Variants in QTGAL observed in about 807,000 individuals in gnomAD.
QTGAL encodes the protein BGnT-like protein 1.
At chr17:83,040,240 C>T in the QTGAL span, among the ~76,000 whole-genome samples, 7 of 152,174 alleles carry the variant, frequency 4.6e-5, no homozygotes, top group African/African-American at 1.4e-4. Context: ...ATGATTCTAA[C>T]GTGCACAAAG....
the QTGAL span, among the ~76,000 whole-genome samples, chr17:83,050,109 G>C: frequency 6.6e-6 from 1 of 152,160 alleles, no homozygotes; most frequent in Admixed American, 6.5e-5. Flanking sequence ...GGTAGCTCAC[G>C]CCTGTAATCA....
At chr17:83,050,828 G>A in the QTGAL span, among the ~76,000 whole-genome samples, 1 of 151,784 alleles carries the variant, frequency 6.6e-6, no homozygotes, top group African/African-American at 2.4e-5. Flanking sequence ...AGGTAGGTGT[G>A]TGGGATGCGC....
chr17:82,966,293 G>A, the QTGAL span, among the ~76,000 whole-genome samples: 3 of 151,910 alleles, frequency 2.0e-5, no homozygotes, highest in Admixed American at 1.3e-4. Context: ...GGCCTCAAGC[G>A]ATCCTCCCAG....
the QTGAL span, among the ~76,000 whole-genome samples, chr17:82,976,495 A>G: frequency 2.4e-3 from 153 of 62,742 alleles, no homozygotes; most frequent in Middle Eastern, 9.8e-3. Context: ...CCCAGGGGCC[A>G]GAGGCCACTT....
At chr17:82,961,257 C>A in the QTGAL span, 5 of 1,529,908 alleles carry the variant, frequency 3.3e-6, no homozygotes, top group Non-Finnish European at 3.5e-6. Context: ...ACTACACCTG[C>A]GCTCAGCCGG....
the QTGAL span, chr17:83,048,382 C>G: frequency 8.4e-7 from 1 of 1,194,024 alleles, no homozygotes; most frequent in Non-Finnish European, 1.2e-6. Context: ...TACTTTTTGT[C>G]AGTATTTGAA....
At chr17:83,001,419 T>C in the QTGAL span, among the ~76,000 whole-genome samples, 42,908 of 151,906 alleles carry the variant, frequency 0.28, 7,082 homozygotes, top group East Asian at 0.4. Flanking sequence ...AACCAGAAAC[T>C]GTGAAGAAAA....
chr17:83,048,462 T>C, the QTGAL span: 2 of 1,594,160 alleles, frequency 1.3e-6, no homozygotes, highest in Non-Finnish European at 1.7e-6. Flanking sequence ...ACTAAGCATG[T>C]TTACTTACCG....
the QTGAL span, among the ~76,000 whole-genome samples, chr17:83,016,156 G>A: frequency 6.6e-6 from 1 of 152,122 alleles, no homozygotes; most frequent in African/African-American, 2.4e-5. Context: ...TTTTCTGTGG[G>A]TGTATTCTAT....
the QTGAL span, chr17:83,005,207 T>C: frequency 6.2e-7 from 1 of 1,605,050 alleles, no homozygotes; most frequent in Non-Finnish European, 8.5e-7. This position sits in a 1 kb window ranked among gnomAD's most constrained non-coding sequence, Gnocchi z 5.6. Context: ...CTGCAACCAA[T>C]GATCTGTGAA....
chr17:83,031,372 G>A, the QTGAL span, among the ~76,000 whole-genome samples: 2 of 144,678 alleles, frequency 1.4e-5, no homozygotes, highest in African/African-American at 2.6e-5. Flanking sequence ...GTTTTCCAGC[G>A]GGGAAGGGTG....
the QTGAL span, among the ~76,000 whole-genome samples, chr17:82,964,255 C>CAAAAAAAAAA: frequency 1.4e-5 from 1 of 72,464 alleles, no homozygotes; most frequent in African/African-American, 6.0e-5. Flanking sequence ...GACCCTGTCT[C>CAAAAAAAAAA]AAAAAAAAAA....
At chr17:83,007,286 C>A in the QTGAL span, 2 of 985,270 alleles carry the variant, frequency 2.0e-6, no homozygotes, top group Non-Finnish European at 2.4e-6. Context: ...CCCTGCCCAG[C>A]GAGTTTTCCC....
At chr17:82,996,991 G>C in the QTGAL span, among the ~76,000 whole-genome samples, 1 of 152,294 alleles carries the variant, frequency 6.6e-6, no homozygotes, top group South Asian at 2.1e-4. Flanking sequence ...ACTGGGCAAC[G>C]ATTTCTTGAG....
chr17:82,944,945 A>G, the QTGAL span: 1 of 152,246 alleles, frequency 6.6e-6, no homozygotes, highest in African/African-American at 2.4e-5. Context: ...TCTCCCCTGA[A>G]GTGGCCTGAA....
At chr17:82,958,951 G>T in the QTGAL span, among the ~76,000 whole-genome samples, 1 of 105,994 alleles carries the variant, frequency 9.4e-6, no homozygotes, top group South Asian at 3.9e-4. Context: ...ACTGTGTGGG[G>T]GTGTATGTGT....
chr17:83,005,943 A>C, the QTGAL span: 1 of 1,221,990 alleles, frequency 8.2e-7, no homozygotes. This position sits in a 1 kb window ranked among gnomAD's most constrained non-coding sequence, Gnocchi z 5.6. Context: ...CCTGAGATCC[A>C]GAGGTAGGAG....
chr17:82,958,004 C>G, the QTGAL span, among the ~76,000 whole-genome samples: 8,479 of 152,126 alleles, frequency 0.056, 546 homozygotes, highest in African/African-American at 0.16. Flanking sequence ...GGGGAGCAGG[C>G]TCCTTCCCAT....
the QTGAL span, chr17:83,005,090 C>T: frequency 5.7e-6 from 9 of 1,576,368 alleles, no homozygotes; most frequent in South Asian, 1.0e-4. The surrounding 1 kb of genome is among the most constrained non-coding windows in gnomAD (Gnocchi z 5.6). Context: ...TGCACCTGCC[C>T]CAGACAAGGC....
Sources: allele counts gnomAD v4.1 joint callset (sites outside exome capture counted in the v4.1 genomes callset), GRCh38; gene constraint gnomAD v4.1.1; non-coding constraint Gnocchi (gnomAD v3.1); transcripts MANE v1.5; gene names NCBI Gene and HGNC (gene_info 2026-07-23, HGNC 2026-07-21).